Variants in WDR31 observed in about 807,000 individuals in gnomAD.
The protein encoded by WDR31 is WD repeat-containing protein 31.
WDR31 carries 30 observed loss-of-function variants against 47.3 expected under a neutral mutation model. The observed-to-expected ratio is 0.63, with a 90% CI of 0.47 to 0.86. The LOEUF (loss-of-function observed/expected upper bound fraction) is 0.86, where lower values mean the gene tolerates loss of function less well. WDR31 is among the 40% of genes least tolerant of loss of function. WDR31 has a pLI of 0.00. For synonymous variants in WDR31, 137 were observed against 159.4 expected (o/e 0.86, Z 1.06); for missense variants, 406 against 442.9 (o/e 0.92, Z 0.75).
At position 113,333,362 on chromosome 9, in the gene WDR31, G is replaced by C. The variant is rs1833641631; in HGVS notation, c.-28-1312C>G. ...TTCTAAAAGGTTATAACCTTCCTTG[G>C]TTGTTGGATTTTTTTTTTTTTTTTT... On this transcript the variant is annotated intron_variant, in intron 2 of 10. Transcript: ENST00000374193. 3.4e-5 allele frequency among the ~76,000 whole-genome samples: 5 copies of C among 146,978 alleles called. No homozygotes were observed. The Admixed American group carries it at 3.5e-4, about 10-fold the overall frequency.
At chr9:113,329,576 A>C (rs1833549477) in intron 4 of WDR31, among the ~76,000 whole-genome samples, 2 of 151,050 alleles carry the variant, frequency 1.3e-5, no homozygotes, top group Non-Finnish European at 3.0e-5. Flanking sequence ...GGAGGTGGAG[A>C]TTGCAGTGAG....
At chr9:113,320,643 T>G (rs1773670077) in intron 8 of WDR31, 145 bp from the exon 9 acceptor site, 1 of 1,023,220 alleles carries the variant, frequency 9.8e-7, no homozygotes, top group Non-Finnish European at 1.4e-6. Context: ...AACGGCAGCA[T>G]GAACCAGATC....
intron 2 of WDR31, among the ~76,000 whole-genome samples, chr9:113,332,700 A>G (rs911673991): frequency 3.3e-5 from 5 of 151,960 alleles, no homozygotes; most frequent in African/African-American, 1.2e-4. Flanking sequence ...AATACAGAGT[A>G]TCTTAATAGG....
At chr9:113,324,407 T>TTTTTTTTTTTA (rs1833406368) in intron 5 of WDR31, among the ~76,000 whole-genome samples, 1 of 141,904 alleles carries the variant, frequency 7.0e-6, no homozygotes, top group African/African-American at 2.8e-5. Flanking sequence ...TTTTTTTTTT[T>TTTTTTTTTTTA]GAGACAGGGT....
At chr9:113,332,092 G>A in intron 2 of WDR31, 42 bp from the exon 3 acceptor site, 1 of 1,360,828 alleles carries the variant, frequency 7.3e-7, no homozygotes. Context: ...AATTTTGTTA[G>A]GCACAATAGT....
At chr9:113,319,718 C>A (rs538291055) in intron 9 of WDR31, among the ~76,000 whole-genome samples, 1 of 152,198 alleles carries the variant, frequency 6.6e-6, no homozygotes, top group Non-Finnish European at 1.5e-5. Flanking sequence ...GGCCCTGGAC[C>A]AACACTAGAG....
chr9:113,339,545 G>A (rs952291670), intron 1 of WDR31, among the ~76,000 whole-genome samples: 1 of 152,152 alleles, frequency 6.6e-6, no homozygotes, highest in Non-Finnish European at 1.5e-5. Flanking sequence ...GGTACAGATA[G>A]GGGAAACCGA....
intron 2 of WDR31, among the ~76,000 whole-genome samples, chr9:113,333,912 G>A (rs968854013): frequency 2.0e-5 from 3 of 151,838 alleles, no homozygotes; most frequent in African/African-American, 7.3e-5. Flanking sequence ...GAGGCCCTTC[G>A]CTCCCTCCCT....
Position 113,334,822 on chromosome 9 carries a change from G to A in WDR31, c.-29+1466C>T, listed in dbSNP as rs1367404525. Among the ~76,000 whole-genome samples the A allele has an allele frequency of 3.4e-5, 5 of 147,068 alleles. No homozygotes were observed. In the Admixed American group the frequency reaches 3.6e-4, roughly 10 times the overall value. ...GATCCACCCACCTTGACTTCCCAAA[G>A]TGCTAGGATTACAGGCATGAGCCAC... On this transcript the variant is annotated intron_variant, in intron 2 of 10. Coordinates refer to ENST00000374193, the MANE Select transcript of WDR31 (RefSeq NM_001012361.4).
chr9:113,322,724 A>G (rs1455723023), intron 7 of WDR31, 87 bp downstream of exon 7: 11 of 1,370,970 alleles, frequency 8.0e-6, no homozygotes, highest in Middle Eastern at 2.6e-4. Flanking sequence ...ATTTCTGCTC[A>G]TGGGCCTCCT....
Position 113,316,667 on chromosome 9 carries a change from C to G in WDR31, c.*82G>C. The G allele has an allele frequency of 6.7e-7, 1 of 1,495,440 alleles. No homozygotes were observed. The highest frequency in any genetic ancestry group is 9.0e-7 in the Non-Finnish European group (1 of 1,109,488). The allele number at this position is 1,495,440 out of a possible 1,614,324, so 92.6% of individuals were successfully genotyped here. A position where few individuals can be genotyped will look rare whatever the true frequency, so the allele number is the denominator to read the frequency against. On this transcript the variant is annotated 3_prime_UTR_variant, in exon 11 of 11. Transcript: ENST00000374193. The stretch of plus-strand genomic sequence containing the variant: ...AGAATACCAGCCCTACATCCCACTC[C>G]CCTCAAGATAACTGGGAAAGACACA...
At chr9:113,317,015 T>C in intron 10 of WDR31, 106 bp from the exon 11 acceptor site, 1 of 1,345,232 alleles carries the variant, frequency 7.4e-7, no homozygotes, top group Non-Finnish European at 1.0e-6. Context: ...TGTACATATC[T>C]AACCCGTATG....
intron 2 of WDR31, among the ~76,000 whole-genome samples, chr9:113,333,185 C>G (rs1253082371): frequency 2.0e-5 from 3 of 152,000 alleles, no homozygotes; most frequent in African/African-American, 7.2e-5. Flanking sequence ...ATGATGGTTG[C>G]ACAACAATGT....
At chr9:113,330,676 T>C (rs560330862) in intron 4 of WDR31, among the ~76,000 whole-genome samples, 22 of 152,344 alleles carry the variant, frequency 1.4e-4, no homozygotes, top group Admixed American at 3.3e-4. Context: ...ATAGAAAGCA[T>C]GTGGGTGGTC....
intron 10 of WDR31, 132 bp downstream of exon 10, chr9:113,318,343 T>A (rs1833252693): frequency 9.8e-7 from 1 of 1,020,302 alleles, no homozygotes; most frequent in African/African-American, 1.6e-5. Context: ...TGACATCACC[T>A]CTTAAGCATG....
rs12348236 is a variant in WDR31, at chr9:113,328,833, C to T, written c.324+48G>A. ...CTTAATATCTAGAACTATTAGCTATCCTTTATTCAGTTCCAGATTGCCTTC... is the reference window on the plus strand; with the variant it reads ...CTTAATATCTAGAACTATTAGCTATTCTTTATTCAGTTCCAGATTGCCTTC... On this transcript the variant is annotated intron_variant, in intron 5 of 10. Transcript: ENST00000374193. 8,265 of 1,442,352 alleles carry T rather than the reference C, an allele frequency of 5.7e-3. 387 individuals carry two copies. In the African/African-American group the frequency reaches 0.099, roughly 17 times the overall value. The allele number at this position is 1,442,352 out of a possible 1,614,324, so 89.3% of individuals were successfully genotyped here.
chr9:113,324,826 A>ATGTG (rs1290289416), intron 5 of WDR31, among the ~76,000 whole-genome samples: 121 of 109,358 alleles, frequency 1.1e-3, no homozygotes, highest in Admixed American at 4.2e-3. Context: ...CTATATATAT[A>ATGTG]TATGTGTGTG....
intron 5 of WDR31, among the ~76,000 whole-genome samples, chr9:113,327,651 G>A (rs550736752): frequency 2.2e-4 from 34 of 152,238 alleles, no homozygotes; most frequent in African/African-American, 7.9e-4. Context: ...CACCATGCCT[G>A]GCTAATTTTT....
At chr9:113,329,420 C>A (rs967571472) in intron 4 of WDR31, among the ~76,000 whole-genome samples, 4 of 151,692 alleles carry the variant, frequency 2.6e-5, no homozygotes, top group Non-Finnish European at 4.4e-5. Flanking sequence ...GCGGGCAGAT[C>A]ACCTGAGGTC....
Sources: gnomAD v4.1 joint callset for allele counts (sites outside exome capture counted in the v4.1 genomes callset) on GRCh38, gnomAD v4.1.1 for gene constraint, MANE v1.5 for transcripts, NCBI Gene and HGNC (gene_info 2026-07-23, HGNC 2026-07-21) for gene names.